WDR7: variants seen among roughly 807,000 people sequenced by gnomAD.
WDR7 encodes WD repeat domain 7.
In WDR7, 46 loss-of-function variants were observed where a neutral mutation model predicts 169.4. The ratio of observed to expected loss-of-function variants is 0.27; its 90% CI spans 0.21 to 0.35. The LOEUF is 0.35. WDR7 is among the 10% of genes least tolerant of loss of function. The pLI is 1.00. For missense variants in WDR7, 1,534 were observed against 1,859.3 expected (o/e 0.83, Z 3.22); for synonymous variants, 612 against 666.8 (o/e 0.92, Z 1.27).
At chr18:56,741,212 T>C (rs1293915165) in intron 14 of WDR7, among the ~76,000 whole-genome samples, 2 of 152,204 alleles carry the variant, frequency 1.3e-5, no homozygotes, top group Admixed American at 6.5e-5. Flanking sequence ...AAGTATTTGC[T>C]ATGTGGCTCT....
intron 1 of WDR7, among the ~76,000 whole-genome samples, chr18:56,652,528 TGAA>T (rs1186641575): frequency 5.3e-5 from 8 of 152,342 alleles, no homozygotes; most frequent in African/African-American, 1.9e-4. Flanking sequence ...CGTGGCTGTA[TGAA>T]GGTCAGCTTA....
At chr18:56,904,889 T>C (rs916131007) in intron 21 of WDR7, among the ~76,000 whole-genome samples, 1 of 151,990 alleles carries the variant, frequency 6.6e-6, no homozygotes, top group Admixed American at 6.6e-5. Flanking sequence ...GAGAGAACCA[T>C]GGAAGGAATG....
intron 1 of WDR7, among the ~76,000 whole-genome samples, chr18:56,661,548 C>T (rs1474865328): frequency 6.6e-6 from 1 of 152,174 alleles, no homozygotes; most frequent in Non-Finnish European, 1.5e-5. Flanking sequence ...CTGTTGCCAT[C>T]TGCTCATTCC....
chr18:57,016,011 C>T (rs574907357), intron 26 of WDR7, among the ~76,000 whole-genome samples: 3 of 152,278 alleles, frequency 2.0e-5, no homozygotes, highest in African/African-American at 7.2e-5. Flanking sequence ...TGCCCTCTGC[C>T]GGAGCACATT....
At chr18:56,660,985 G>T (rs7234028) in intron 1 of WDR7, among the ~76,000 whole-genome samples, 2,189 of 152,228 alleles carry the variant, frequency 0.014, 43 homozygotes, top group African/African-American at 0.048. Flanking sequence ...TGGAGAGCTG[G>T]GTTCCTCTCT....
At chr18:56,870,590 C>T (rs962490543) in intron 20 of WDR7, among the ~76,000 whole-genome samples, 2 of 152,136 alleles carry the variant, frequency 1.3e-5, no homozygotes, top group African/African-American at 4.8e-5. Flanking sequence ...TACCAGCATA[C>T]AATGATAATT....
intron 21 of WDR7, among the ~76,000 whole-genome samples, chr18:56,893,078 A>C (rs2046285901): frequency 1.3e-5 from 2 of 152,072 alleles, no homozygotes; most frequent in South Asian, 4.1e-4. Flanking sequence ...AGCCACCTAA[A>C]GTATATACTG....
chr18:56,716,059 G>GTGTGTGTGTA (rs1434534634), intron 12 of WDR7, among the ~76,000 whole-genome samples: 1 of 151,618 alleles, frequency 6.6e-6, no homozygotes, highest in Admixed American at 6.6e-5. Flanking sequence ...GTGTGTGTGT[G>GTGTGTGTGTA]TGTGTGTATT....
chr18:56,788,831 A>G (rs1321990487), intron 19 of WDR7, among the ~76,000 whole-genome samples: 2 of 152,232 alleles, frequency 1.3e-5, no homozygotes, highest in Non-Finnish European at 2.9e-5. Context: ...GGAAATGATT[A>G]TGCATTGTGA....
intron 17 of WDR7, among the ~76,000 whole-genome samples, chr18:56,777,720 A>G (rs1001533186): frequency 1.3e-5 from 2 of 152,234 alleles, no homozygotes; most frequent in African/African-American, 4.8e-5. Context: ...TTTCAAATGG[A>G]AGGAATCTTG....
Position 56,679,339 on chromosome 18 carries a change from C to A in WDR7, c.167C>A (p.Pro56His), listed in dbSNP as rs2025309969. 2 of 1,607,448 alleles carry A rather than the reference C, an allele frequency of 1.2e-6. No homozygotes were observed. Among genetic ancestry groups the A allele is most frequent in the African/African-American group, 2.7e-5 (2 of 74,802 alleles). Residue 56 changes from proline (P) to histidine (H), a missense_variant, in exon 3 of 28, where the codon CCT becomes CAT. Coordinates refer to ENST00000254442, the MANE Select transcript of WDR7 (RefSeq NM_015285.3). Reference protein sequence around the residue: ...WDLSVELQINPRALLFGHTAS... With the variant: ...WDLSVELQINHRALLFGHTAS... ...ATATTTTTGCATTTCTAGATTAATC[C>A]TCGAGCACTGTTGTTTGGTCATACA...
chr18:57,007,014 C>G (rs2048068727), intron 26 of WDR7, among the ~76,000 whole-genome samples: 2 of 148,964 alleles, frequency 1.3e-5, no homozygotes, highest in Non-Finnish European at 3.0e-5. Context: ...GAATCTCGCT[C>G]TGTCACCCAG....
chr18:56,996,532 G>T (rs1421727508), intron 26 of WDR7, among the ~76,000 whole-genome samples: 17 of 152,182 alleles, frequency 1.1e-4, no homozygotes, highest in Admixed American at 1.1e-3. Flanking sequence ...TTGACAAATG[G>T]TTGTAACCAA....
intron 1 of WDR7, among the ~76,000 whole-genome samples, chr18:56,669,494 G>A (rs1026220986): frequency 6.6e-6 from 1 of 152,020 alleles, no homozygotes; most frequent in African/African-American, 2.4e-5. Flanking sequence ...GTAACTTTAA[G>A]CCAGATTTTG....
intron 26 of WDR7, among the ~76,000 whole-genome samples, chr18:57,017,412 C>CTGTGTGTG (rs10571337): frequency 1.3e-3 from 189 of 143,750 alleles, no homozygotes; most frequent in African/African-American, 4.5e-3. Context: ...CAGCATCATG[C>CTGTGTGTG]TGTGTGTGTG....
intron 20 of WDR7, among the ~76,000 whole-genome samples, chr18:56,818,383 A>C (rs1037337452): frequency 1.4e-4 from 21 of 152,250 alleles, no homozygotes; most frequent in African/African-American, 3.6e-4. Context: ...GAAACTAAGA[A>C]TGCAAATCTA....
At chr18:56,734,708 T>A (rs1039968952) in intron 14 of WDR7, among the ~76,000 whole-genome samples, 4 of 152,044 alleles carry the variant, frequency 2.6e-5, no homozygotes, top group African/African-American at 9.7e-5. Flanking sequence ...ATGCTCACAT[T>A]TTTTTTGTTC....
chr18:56,763,803 G>C (rs919979763), intron 16 of WDR7, among the ~76,000 whole-genome samples: 2 of 152,038 alleles, frequency 1.3e-5, no homozygotes, highest in Non-Finnish European at 2.9e-5. Flanking sequence ...ATGTCTACTT[G>C]GGTGAACTTT....
At chr18:56,828,844 C>T (rs1336488118) in intron 20 of WDR7, among the ~76,000 whole-genome samples, 1 of 152,008 alleles carries the variant, frequency 6.6e-6, no homozygotes, top group Non-Finnish European at 1.5e-5. Context: ...GTCTTAAGAA[C>T]TAGTGGAGGA....
Sources: allele counts gnomAD v4.1 joint callset (sites outside exome capture counted in the v4.1 genomes callset), GRCh38; gene constraint gnomAD v4.1.1; transcripts MANE v1.5; gene names NCBI Gene and HGNC (gene_info 2026-07-23, HGNC 2026-07-21).